CHCHD6: variants seen among roughly 807,000 people sequenced by gnomAD.
CHCHD6 encodes MICOS complex subunit MIC25.
In CHCHD6, 28 loss-of-function variants were observed where a neutral mutation model predicts 32.3. The observed-to-expected ratio is 0.87, with a 90% confidence interval of 0.64 to 1.19. The LOEUF (loss-of-function observed/expected upper bound fraction) is 1.19. Ranked by LOEUF, CHCHD6 falls within the 50% of genes most tolerant of loss-of-function variation. The pLI is 0.00. For missense variants in CHCHD6, 333 were observed against 307.0 expected (o/e 1.08, Z -0.63); for synonymous variants, 122 against 117.5 (o/e 1.04, Z -0.25).
intron 5 of CHCHD6, among the ~76,000 whole-genome samples, chr3:126,901,767 T>A (rs1367594822): frequency 6.6e-6 from 1 of 152,222 alleles, no homozygotes; most frequent in Non-Finnish European, 1.5e-5. Context: ...GGTGCTAATA[T>A]GAGAAGACTC....
At chr3:126,774,234 T>G (rs1937595404) in intron 4 of CHCHD6, among the ~76,000 whole-genome samples, 1 of 152,188 alleles carries the variant, frequency 6.6e-6, no homozygotes, top group South Asian at 2.1e-4. Flanking sequence ...AACAACCATA[T>G]AATAACCACC....
chr3:126,901,176 T>C (rs2077921910), intron 5 of CHCHD6, among the ~76,000 whole-genome samples: 1 of 152,204 alleles, frequency 6.6e-6, no homozygotes, highest in South Asian at 2.1e-4. Context: ...AGGAAGAGCC[T>C]AACTCTGACT....
At chr3:126,706,598 T>C (rs1056679935) in intron 1 of CHCHD6, among the ~76,000 whole-genome samples, 11 of 152,110 alleles carry the variant, frequency 7.2e-5, no homozygotes, top group African/African-American at 2.4e-4. Context: ...ATAAATGACT[T>C]GTCCAGAGGT....
intron 1 of CHCHD6, among the ~76,000 whole-genome samples, chr3:126,713,649 C>T (rs1400427922): frequency 2.6e-5 from 4 of 152,094 alleles, no homozygotes; most frequent in Admixed American, 1.3e-4. Flanking sequence ...TGATCTATTC[C>T]ACACTTACTT....
intron 1 of CHCHD6, among the ~76,000 whole-genome samples, chr3:126,706,709 A>G (rs1934504331): frequency 6.6e-6 from 1 of 152,108 alleles, no homozygotes; most frequent in South Asian, 2.1e-4. Flanking sequence ...GGTATGAAGA[A>G]AGGATGTTTT....
At chr3:126,815,771 T>C (rs1939870036) in intron 4 of CHCHD6, among the ~76,000 whole-genome samples, 1 of 152,070 alleles carries the variant, frequency 6.6e-6, no homozygotes, top group Admixed American at 6.6e-5. Flanking sequence ...GCAATGACTT[T>C]CCTACATTTC....
At chr3:126,707,552 G>A (rs1039019218) in intron 1 of CHCHD6, among the ~76,000 whole-genome samples, 4 of 152,124 alleles carry the variant, frequency 2.6e-5, no homozygotes, top group Admixed American at 6.5e-5. Flanking sequence ...CACATGAGCC[G>A]CCCTTTTTGG....
intron 1 of CHCHD6, among the ~76,000 whole-genome samples, chr3:126,708,118 G>A (rs1277525593): frequency 3.9e-5 from 6 of 152,248 alleles, no homozygotes; most frequent in African/African-American, 1.4e-4. Context: ...CTCTCAGGAG[G>A]AGATGTTGAC....
At chr3:126,727,252 C>T (rs931280588) in intron 2 of CHCHD6, 66 bp downstream of exon 2, 30 of 1,151,578 alleles carry the variant, frequency 2.6e-5, no homozygotes, top group East Asian at 9.6e-5. Context: ...GGTGCTCACC[C>T]GAGCCCACCT....
intron 6 of CHCHD6, among the ~76,000 whole-genome samples, chr3:126,935,445 G>A (rs2078465921): frequency 6.6e-6 from 1 of 152,210 alleles, no homozygotes; most frequent in South Asian, 2.1e-4. Flanking sequence ...TAAGTCCCAG[G>A]CTGATGTTCC....
chr3:126,764,201 A>ATATATG (rs1491308690), intron 4 of CHCHD6, among the ~76,000 whole-genome samples: 2 of 19,054 alleles, frequency 1.0e-4, no homozygotes, highest in African/African-American at 6.0e-4. Context: ...ACATACATGC[A>ATATATG]TATATATATA....
At chr3:126,920,713 G>A (rs114362773) in intron 6 of CHCHD6, among the ~76,000 whole-genome samples, 1,815 of 152,298 alleles carry the variant, frequency 0.012, 18 homozygotes, top group Middle Eastern at 0.048. Flanking sequence ...CCACAGGAGC[G>A]TTGCCTCCCT....
At chr3:126,833,229 G>A (rs1542234) in intron 4 of CHCHD6, among the ~76,000 whole-genome samples, 18,567 of 152,132 alleles carry the variant, frequency 0.12, 1,295 homozygotes, top group South Asian at 0.28. Flanking sequence ...TAGTTAAGGA[G>A]CCATATTAGG....
intron 4 of CHCHD6, among the ~76,000 whole-genome samples, chr3:126,816,396 T>C (rs1406308203): frequency 1.3e-5 from 2 of 152,218 alleles, no homozygotes; most frequent in Non-Finnish European, 2.9e-5. Flanking sequence ...GCTCTGTTTT[T>C]GTGTGATGAA....
intron 5 of CHCHD6, among the ~76,000 whole-genome samples, chr3:126,904,678 T>C (rs1186936753): frequency 6.6e-6 from 1 of 152,206 alleles, no homozygotes; most frequent in African/African-American, 2.4e-5. Context: ...AACACTCAGC[T>C]GTAAGCCTTG....
chr3:126,812,050 T>C (rs1251083013), intron 4 of CHCHD6, among the ~76,000 whole-genome samples: 1 of 152,062 alleles, frequency 6.6e-6, no homozygotes, highest in Non-Finnish European at 1.5e-5. Flanking sequence ...GAGGAAAAAC[T>C]CAGGCCCTCT....
intron 4 of CHCHD6, among the ~76,000 whole-genome samples, chr3:126,749,378 T>C (rs1021015263): frequency 6.6e-6 from 1 of 151,930 alleles, no homozygotes; most frequent in Non-Finnish European, 1.5e-5. Flanking sequence ...AATGACACAT[T>C]TGGTGAGGAT....
intron 6 of CHCHD6, among the ~76,000 whole-genome samples, chr3:126,918,117 T>G (rs1448949007): frequency 6.6e-6 from 1 of 152,224 alleles, no homozygotes; most frequent in Non-Finnish European, 1.5e-5. Flanking sequence ...TTTTCCCAAA[T>G]ACAGTAAACA....
At chr3:126,948,527 C>A (rs2078672311) in intron 6 of CHCHD6, among the ~76,000 whole-genome samples, 1 of 152,166 alleles carries the variant, frequency 6.6e-6, no homozygotes, top group African/African-American at 2.4e-5. Context: ...ACCCCATATG[C>A]CCTTGTCTTA....
Sources: gnomAD v4.1 joint callset for allele counts (sites outside exome capture counted in the v4.1 genomes callset) on GRCh38, gnomAD v4.1.1 for gene constraint, MANE v1.5 for transcripts, NCBI Gene and HGNC (gene_info 2026-07-23, HGNC 2026-07-21) for gene names.